Variants in PPFIA2 observed in about 807,000 individuals in gnomAD.
PPFIA2 encodes PPFI scaffold protein A2, also known as liprin-alpha-2.
In PPFIA2, 46 loss-of-function variants were observed where a neutral mutation model predicts 175.5. The observed-to-expected ratio is 0.26, with a 90% CI of 0.21 to 0.34. PPFIA2 has a LOEUF of 0.34. Among genes scored for constraint, PPFIA2 ranks in the 10% least tolerant of loss-of-function variants. The pLI is 1.00. For missense variants in PPFIA2, 1,179 were observed against 1,506.1 expected, an observed-to-expected ratio of 0.78 and a Z score of 3.60; for synonymous variants, 568 against 511.4, an observed-to-expected ratio of 1.11 and a Z score of -1.49.
intron 4 of PPFIA2, among the ~76,000 whole-genome samples, chr12:81,632,076 T>A (rs1049517777): frequency 2.0e-5 from 3 of 152,200 alleles, no homozygotes; most frequent in Non-Finnish European, 4.4e-5. Flanking sequence ...CAGGTATTTT[T>A]AAATATACTT....
At chr12:81,295,172 T>C in intron 23 of PPFIA2, 137 bp from the exon 24 acceptor site, 1 of 749,568 alleles carries the variant, frequency 1.3e-6, no homozygotes, top group South Asian at 1.9e-5. Flanking sequence ...TTATTTTCCC[T>C]AGAGGACATA....
At position 81,322,576 on chromosome 12, in the gene PPFIA2, T is replaced by C. The variant is rs189005125; in HGVS notation, c.2642+3201A>G. Among the ~76,000 whole-genome samples, 80 of 152,310 alleles carry C rather than the reference T, an allele frequency of 5.3e-4. 1 individual carries two copies. The highest frequency in any genetic ancestry group is 1.9e-3 in the African/African-American group (79 of 41,588). On this transcript the variant is annotated intron_variant, in intron 22 of 32. Transcript: ENST00000549396. ...ATTCAAAGAATTACAAGCTGAGTTT[T>C]AGTTTGACACAATTATTATAGGTTA... is the stretch of plus-strand genomic sequence containing the variant.
At chr12:81,440,290 A>G (rs1463908336) in intron 6 of PPFIA2, among the ~76,000 whole-genome samples, 1 of 152,146 alleles carries the variant, frequency 6.6e-6, no homozygotes, top group Non-Finnish European at 1.5e-5. Context: ...ATAGAGCTTC[A>G]GGTGGGGTTG....
At chr12:81,513,027 T>C (rs2061983927) in intron 4 of PPFIA2, among the ~76,000 whole-genome samples, 1 of 151,876 alleles carries the variant, frequency 6.6e-6, no homozygotes, top group Non-Finnish European at 1.5e-5. Flanking sequence ...TATCCAGAAT[T>C]GACACAGAAC....
chr12:81,314,548 T>C (rs937347772), intron 22 of PPFIA2, among the ~76,000 whole-genome samples: 3 of 151,918 alleles, frequency 2.0e-5, no homozygotes, highest in African/African-American at 7.2e-5. Context: ...TCAGCATATA[T>C]TCAGTCAGGA....
At chr12:81,473,791 C>T (rs11114873) in intron 4 of PPFIA2, among the ~76,000 whole-genome samples, 27,860 of 152,072 alleles carry the variant, frequency 0.18, 2,738 homozygotes, top group Middle Eastern at 0.22. Context: ...CATGACTTTG[C>T]TTATTATTTA....
At chr12:81,468,547 A>C (rs1010850207) in intron 4 of PPFIA2, among the ~76,000 whole-genome samples, 1 of 152,234 alleles carries the variant, frequency 6.6e-6, no homozygotes, top group African/African-American at 2.4e-5. Context: ...CTGCTGTGGC[A>C]AACACTCCCA....
Position 81,676,732 on chromosome 12 carries a change from T to A in PPFIA2, c.303+59A>T, listed in dbSNP as rs1476716442. The A allele has an allele frequency of 2.5e-6, 3 of 1,203,798 alleles. No homozygotes were observed. In the African/African-American group the frequency reaches 4.7e-5, roughly 19 times the overall value. 74.6% of individuals were successfully genotyped at this position (1,203,798 alleles called of 1,614,324 possible). On this transcript the variant is annotated intron_variant, in intron 4 of 32. Coordinates refer to ENST00000549396, the MANE Select transcript of PPFIA2 (RefSeq NM_003625.5). ...TAATATACAAGCAATCAACTGATAA[T>A]CTGGTGTGTACACAATTCAATTCAT...
chr12:81,302,115 C>T (rs556917168), intron 22 of PPFIA2: 64 of 345,216 alleles, frequency 1.9e-4, no homozygotes, highest in African/African-American at 1.3e-3. Flanking sequence ...TATTTAGGTG[C>T]TTCTTGTTTC....
intron 16 of PPFIA2, among the ~76,000 whole-genome samples, chr12:81,356,081 GT>G (rs1231597106): frequency 1.3e-5 from 2 of 152,114 alleles, no homozygotes; most frequent in Non-Finnish European, 2.9e-5. Flanking sequence ...TTTTGACTTA[GT>G]GAGAGATGTG....
intron 7 of PPFIA2, among the ~76,000 whole-genome samples, chr12:81,410,922 T>C (rs946674886): frequency 1.3e-5 from 2 of 152,102 alleles, no homozygotes; most frequent in Non-Finnish European, 2.9e-5. Context: ...AAATTGCTTC[T>C]GGTCCTGATT....
intron 4 of PPFIA2, among the ~76,000 whole-genome samples, chr12:81,640,255 A>G (rs2064780247): frequency 6.6e-6 from 1 of 152,072 alleles, no homozygotes; most frequent in African/African-American, 2.4e-5. Flanking sequence ...CCTATACGAT[A>G]CATTGCAATG....
rs11837583 is a variant in PPFIA2 at position 81,397,053 on chromosome 12, C to T, written c.762+8734G>A. Among the ~76,000 whole-genome samples the T allele has an allele frequency of 7.7e-3, 1,168 of 152,048 alleles. 14 individuals carry two copies. Among genetic ancestry groups the T allele is most frequent in the African/African-American group, 0.027 (1,103 of 41,498 alleles). ...ATTTTTTAAGGGGGGATATCAAATA[C>T]GTAAGCTTTTGATATTTTAAATGTG... On this transcript the variant is annotated intron_variant, in intron 8 of 32. Coordinates refer to ENST00000549396, the MANE Select transcript of PPFIA2 (RefSeq NM_003625.5).
chr12:81,340,263 A>C (rs1334748443), intron 20 of PPFIA2, among the ~76,000 whole-genome samples: 4 of 152,128 alleles, frequency 2.6e-5, no homozygotes, highest in African/African-American at 9.6e-5. Flanking sequence ...AATGACTGCC[A>C]ACACAGAAAG....
chr12:81,493,201 G>A (rs558102524), intron 4 of PPFIA2, among the ~76,000 whole-genome samples: 13 of 152,192 alleles, frequency 8.5e-5, no homozygotes, highest in African/African-American at 2.6e-4. Context: ...GGTGTCTGGA[G>A]TTTGGGAGAA....
At position 81,527,368 on chromosome 12, in the gene PPFIA2, CATTT is replaced by C. The variant is rs374761283; in HGVS notation, c.304-69506_304-69503del. On this transcript the variant is annotated intron_variant, in intron 4 of 32. Transcript: ENST00000549396. ...CTACTATATACACCCCGGGGAGCTC[CATTT>C]TATGCTTCTGTTTAGAGTAAAATTC... is the stretch of plus-strand genomic sequence containing the variant. 1.3e-3 allele frequency among the ~76,000 whole-genome samples: 201 copies of C among 151,854 alleles called. 1 individual carries two copies. The highest frequency in any genetic ancestry group is 4.6e-3 in the African/African-American group (191 of 41,398).
At chr12:81,483,772 G>A (rs928919709) in intron 4 of PPFIA2, among the ~76,000 whole-genome samples, 2 of 151,834 alleles carry the variant, frequency 1.3e-5, no homozygotes, top group Admixed American at 1.3e-4. Context: ...TTCATAGAAG[G>A]TTCTATTTCT....
chr12:81,753,522 C>T (rs532309886), intron 3 of PPFIA2, among the ~76,000 whole-genome samples: 79 of 143,980 alleles, frequency 5.5e-4, no homozygotes, highest in African/African-American at 1.9e-3. Flanking sequence ...AGATATTAGG[C>T]ATTTAAAAAA....
intron 3 of PPFIA2, among the ~76,000 whole-genome samples, chr12:81,678,851 T>C (rs913592639): frequency 6.6e-6 from 1 of 151,842 alleles, no homozygotes; most frequent in African/African-American, 2.4e-5. Context: ...ATATCCTAAT[T>C]ATATCGGCAT....
Sources: gnomAD v4.1 joint callset for allele counts (sites outside exome capture counted in the v4.1 genomes callset) on GRCh38, gnomAD v4.1.1 for gene constraint, MANE v1.5 for transcripts, NCBI Gene and HGNC (gene_info 2026-07-23, HGNC 2026-07-21) for gene names.